Variants in XKR4 observed in about 807,000 individuals in gnomAD.
The protein encoded by XKR4 is XK related 4, also known as XK-related protein 4.
XKR4 carries 12 observed loss-of-function variants against 53.9 expected under a neutral mutation model. That is an observed-to-expected ratio of 0.22 (90% CI 0.14 to 0.36). The LOEUF (loss-of-function observed/expected upper bound fraction) is 0.36. XKR4 is among the 10% of genes least tolerant of loss of function. The pLI, the probability that XKR4 is intolerant of heterozygous loss-of-function variation, is 1.00. For synonymous variants in XKR4, 354 were observed against 362.4 expected (o/e 0.98, Z 0.26); for missense variants, 799 against 859.5 (o/e 0.93, Z 0.88).
chr8:55,188,928 A>G (rs2129360741), intron 1 of XKR4, among the ~76,000 whole-genome samples: 1 of 152,346 alleles, frequency 6.6e-6, no homozygotes, highest in East Asian at 1.9e-4. Context: ...GTCGGTTATT[A>G]TTATTTATTC....
At chr8:55,296,908 C>T (rs570398124) in intron 1 of XKR4, among the ~76,000 whole-genome samples, 1 of 152,170 alleles carries the variant, frequency 6.6e-6, no homozygotes, top group East Asian at 1.9e-4. Flanking sequence ...AGAATAAGGG[C>T]CATCAGTTAA....
In XKR4 at chr8:55,449,967, G is replaced by A. The variant is rs1203401289; in HGVS notation, c.1007-73314G>A. On this transcript the variant is annotated intron_variant, in intron 2 of 2. Coordinates refer to ENST00000327381, the MANE Select transcript of XKR4 (RefSeq NM_052898.2). ...GGCTGAGGCTCAAGGTGGAGCCCAC[G>A]GGTTCCTCCTGCAGGTACATACCCA... is the stretch of plus-strand genomic sequence containing the variant. 3.6e-6 allele frequency: 3 copies of A among 832,842 alleles called. No homozygotes were observed. In the Admixed American group the frequency reaches 5.3e-5, roughly 15 times the overall value. The allele number at this position is 832,842 out of a possible 1,614,324, so 51.6% of individuals were successfully genotyped here. A position where few individuals can be genotyped will look rare whatever the true frequency, so the allele number is the denominator to read the frequency against.
rs545317759 is a variant in XKR4, at chr8:55,466,558, C to G, written c.1007-56723C>G. ...CTAAATGACAAGTTAATGAGTGCAG[C>G]ACACCAACATGGCACATGTATACAT... On this transcript the variant is annotated intron_variant, in intron 2 of 2. Transcript: ENST00000327381. Among the ~76,000 whole-genome samples, 356 of 152,124 alleles carry G rather than the reference C, an allele frequency of 2.3e-3. 4 individuals carry two copies. The Middle Eastern group carries it at 0.027, about 12-fold the overall frequency.
At chr8:55,287,347 T>C (rs1818921735) in intron 1 of XKR4, among the ~76,000 whole-genome samples, 1 of 152,160 alleles carries the variant, frequency 6.6e-6, no homozygotes, top group Non-Finnish European at 1.5e-5. Context: ...AAGATCATAT[T>C]TAGAAAATCA....
In XKR4 at chr8:55,452,734, T is replaced by C. The variant is rs1288021830; in HGVS notation, c.1007-70547T>C. 9.5e-6 allele frequency: 9 copies of C among 942,412 alleles called. No homozygotes were observed. In the African/African-American group the frequency reaches 1.3e-4, roughly 13 times the overall value. 58.4% of individuals were successfully genotyped at this position (942,412 alleles called of 1,614,324 possible). A position where few individuals can be genotyped will look rare whatever the true frequency, so the allele number is the denominator to read the frequency against. On this transcript the variant is annotated intron_variant, in intron 2 of 2. Coordinates refer to ENST00000327381, the MANE Select transcript of XKR4 (RefSeq NM_052898.2). Reference sequence around the variant, plus strand: ...ACCACAGCCCCAGCTACATTGCAGGTCTCTCTGTCCTCAAAGCCGCTCCCC... The same window carrying C: ...ACCACAGCCCCAGCTACATTGCAGGCCTCTCTGTCCTCAAAGCCGCTCCCC...
chr8:55,441,980 GA>G (rs1035438905), intron 2 of XKR4, among the ~76,000 whole-genome samples: 1 of 151,144 alleles, frequency 6.6e-6, no homozygotes, highest in Admixed American at 6.6e-5. Flanking sequence ...AAAGAAAATA[GA>G]AAAAAATGAG....
rs73606964 is a variant in XKR4, at chr8:55,313,791, G to A, written c.807-43887G>A. On this transcript the variant is annotated intron_variant, in intron 1 of 2. Transcript: ENST00000327381. ...TGAGATCTTCTCATGCTGGGGTTTT[G>A]GGGGCTCTCGTTTGAAAGCAGCATT... 4.8e-3 allele frequency among the ~76,000 whole-genome samples: 733 copies of A among 152,250 alleles called. 6 individuals are homozygous for A. The highest frequency in any genetic ancestry group is 0.016 in the African/African-American group (667 of 41,546).
At chr8:55,164,021 C>T in intron 1 of XKR4, 2 of 322,238 alleles carry the variant, frequency 6.2e-6, no homozygotes, top group East Asian at 7.7e-5. Context: ...AATATTTGCA[C>T]ACACATCCCT....
chr8:55,274,318 T>C (rs181849807), intron 1 of XKR4, among the ~76,000 whole-genome samples: 10 of 152,310 alleles, frequency 6.6e-5, no homozygotes, highest in East Asian at 5.8e-4. Flanking sequence ...GCCAGCAAGA[T>C]TGGTTTCTCT....
rs534607314 is a variant in XKR4 at position 55,536,588 on chromosome 8, T to G, written c.*12361T>G. 7.5e-6 allele frequency: 1 copy of G among 133,378 alleles called. No individual in the cohort carries two copies. Among genetic ancestry groups the G allele is most frequent in the East Asian group, 2.2e-4 (1 of 4,632 alleles). 8.3% of individuals were successfully genotyped at this position (133,378 alleles called of 1,614,324 possible). On this transcript the variant is annotated 3_prime_UTR_variant, in exon 3 of 3. Transcript: ENST00000327381. The stretch of plus-strand genomic sequence containing the variant: ...CGTCTGGGTGTCTGGTGTTTCTGGA[T>G]AGACAGACTGCTCCGGTGTTGTAAG...
In XKR4 at chr8:55,348,691, T is replaced by TAAAC. The variant is rs1554519701; in HGVS notation, c.807-8986_807-8985insAACA. Among the ~76,000 whole-genome samples, 296 of 136,218 alleles carry TAAAC rather than the reference T, an allele frequency of 2.2e-3. 2 individuals are homozygous for TAAAC. Among genetic ancestry groups the TAAAC allele is most frequent in the African/African-American group, 6.8e-3 (254 of 37,510 alleles). 89.4% of individuals were successfully genotyped at this position (136,218 alleles called of 152,430 possible). ...AGAGGGAGAGAGAGACAGACAAACATACACACACACACACACACACACACA... is the reference window on the plus strand; with the variant it reads ...AGAGGGAGAGAGAGACAGACAAACATAAACACACACACACACACACACACACACA... On this transcript the variant is annotated intron_variant, in intron 1 of 2. Transcript: ENST00000327381.
At chr8:55,399,773 G>C (rs896410909) in intron 2 of XKR4, among the ~76,000 whole-genome samples, 1 of 152,186 alleles carries the variant, frequency 6.6e-6, no homozygotes, top group Non-Finnish European at 1.5e-5. Context: ...AGGAGGGCTG[G>C]GCAAGGCGAG....
intron 1 of XKR4, among the ~76,000 whole-genome samples, chr8:55,113,013 G>T (rs1452408159): frequency 6.6e-6 from 1 of 152,154 alleles, no homozygotes; most frequent in Admixed American, 6.5e-5. Context: ...TCCTGATGGG[G>T]TGATGGCTAG....
intron 1 of XKR4, among the ~76,000 whole-genome samples, chr8:55,278,886 G>C (rs1190848398): frequency 1.3e-5 from 2 of 152,066 alleles, no homozygotes; most frequent in African/African-American, 2.4e-5. Flanking sequence ...GGCAACTCTT[G>C]AGATACTATG....
chr8:55,209,147 A>T (rs376085143), intron 1 of XKR4, among the ~76,000 whole-genome samples: 15 of 152,076 alleles, frequency 9.9e-5, no homozygotes, highest in African/African-American at 3.4e-4. Flanking sequence ...TCCAGCTCTG[A>T]CCTCACTCAA....
At position 55,527,069 on chromosome 8, in the gene XKR4, G is replaced by T. The variant is rs1806890268; in HGVS notation, c.*2842G>T. On this transcript the variant is annotated 3_prime_UTR_variant, in exon 3 of 3. Coordinates refer to ENST00000327381, the MANE Select transcript of XKR4 (RefSeq NM_052898.2). ...AAGAGATAAATCATGATTTAGCCTT[G>T]CTTCCATGATTCAGGAAGCACTACA... 6.6e-6 allele frequency: 1 copy of T among 152,172 alleles called. No homozygotes were observed. The highest frequency in any genetic ancestry group is 1.5e-5 in the Non-Finnish European group (1 of 68,022). The allele number at this position is 152,172 out of a possible 1,614,324, so 9.4% of individuals were successfully genotyped here.
At chr8:55,108,302 A>C (rs762809258) in intron 1 of XKR4, among the ~76,000 whole-genome samples, 1 of 152,152 alleles carries the variant, frequency 6.6e-6, no homozygotes, top group Non-Finnish European at 1.5e-5. Flanking sequence ...CAGATAATGA[A>C]AGGAATTTAG....
intron 1 of XKR4, among the ~76,000 whole-genome samples, chr8:55,302,854 G>C (rs1035860450): frequency 3.9e-5 from 6 of 152,226 alleles, no homozygotes; most frequent in Non-Finnish European, 5.9e-5. Flanking sequence ...TTTGTATCCT[G>C]AGACTTTGCT....
At chr8:55,228,446 TC>T (rs1308982187) in intron 1 of XKR4, among the ~76,000 whole-genome samples, 35 of 152,226 alleles carry the variant, frequency 2.3e-4, no homozygotes. Context: ...TAACTTAGAA[TC>T]CTTGAAGAAT....
Sources: gnomAD v4.1 joint callset for allele counts (sites outside exome capture counted in the v4.1 genomes callset) on GRCh38, gnomAD v4.1.1 for gene constraint, MANE v1.5 for transcripts, NCBI Gene and HGNC (gene_info 2026-07-23, HGNC 2026-07-21) for gene names.